CCDC93: variants seen among roughly 807,000 people sequenced by gnomAD.
The protein encoded by CCDC93 is coiled-coil domain-containing protein 93.
CCDC93 carries 61 observed loss-of-function variants against 108.2 expected under a neutral mutation model. The observed-to-expected ratio is 0.56, with a 90% CI of 0.46 to 0.70. The LOEUF (loss-of-function observed/expected upper bound fraction) is 0.70, where lower values mean the gene tolerates loss of function less well. Among genes scored for constraint, CCDC93 ranks in the 30% least tolerant of loss-of-function variants. CCDC93 has a pLI of 0.00. For missense variants in CCDC93, 685 were observed against 764.2 expected (o/e 0.90, Z 1.22); for synonymous variants, 276 against 260.4 (o/e 1.06, Z -0.58).
chr2:117,953,993 G>C (rs1047465110), intron 12 of CCDC93, among the ~76,000 whole-genome samples: 1 of 152,202 alleles, frequency 6.6e-6, no homozygotes, highest in African/African-American at 2.4e-5. Flanking sequence ...TCAGACACCA[G>C]ATCTGTTGGT....
At position 117,919,760 on chromosome 2, in the gene CCDC93, C is replaced by G. The variant is rs13417407; in HGVS notation, c.*583G>C. ...GGCTGGCACCTGGAGGAGCTGGGAA[C>G]AAAAGGTACCATGGCAGGTGAAAGG... is the stretch of plus-strand genomic sequence containing the variant. On this transcript the variant is annotated 3_prime_UTR_variant, in exon 24 of 24. Coordinates refer to ENST00000376300, the MANE Select transcript of CCDC93 (RefSeq NM_019044.5). 2 of 152,236 alleles carry G rather than the reference C, an allele frequency of 1.3e-5. No homozygotes were observed. Among genetic ancestry groups the G allele is most frequent in the East Asian group, 1.9e-4 (1 of 5,196 alleles). 9.4% of individuals were successfully genotyped at this position (152,236 alleles called of 1,614,324 possible).
At chr2:117,923,296 G>A (rs117892212) in intron 23 of CCDC93, among the ~76,000 whole-genome samples, 22 of 152,268 alleles carry the variant, frequency 1.4e-4, no homozygotes, top group East Asian at 1.4e-3. Context: ...TGCACTCAGC[G>A]TTAGCCGAGG....
chr2:117,953,242 T>C (rs1006728870), intron 12 of CCDC93, among the ~76,000 whole-genome samples: 3 of 152,218 alleles, frequency 2.0e-5, no homozygotes, highest in Non-Finnish European at 4.4e-5. Flanking sequence ...TCCTTGGGCC[T>C]GTAAGCAGCT....
intron 8 of CCDC93, among the ~76,000 whole-genome samples, chr2:117,977,534 G>C (rs529245985): frequency 6.6e-6 from 1 of 152,242 alleles, no homozygotes; most frequent in South Asian, 2.1e-4. Context: ...GAAATCTTTG[G>C]GCATCCTTTG....
chr2:117,967,426 C>G (rs929738894), intron 11 of CCDC93, among the ~76,000 whole-genome samples: 1 of 152,204 alleles, frequency 6.6e-6, no homozygotes, highest in Non-Finnish European at 1.5e-5. Flanking sequence ...GTGTGAGTGC[C>G]TGGGCTGAGC....
At chr2:117,927,471 AACAG>A (rs534539404) in intron 23 of CCDC93, among the ~76,000 whole-genome samples, 8,310 of 152,186 alleles carry the variant, frequency 0.055, 284 homozygotes, top group Non-Finnish European at 0.083. Context: ...ATACACCAAT[AACAG>A]ACAGAGAGCC....
intron 6 of CCDC93, among the ~76,000 whole-genome samples, chr2:117,994,780 A>G (rs970130230): frequency 7.9e-5 from 12 of 152,252 alleles, no homozygotes; most frequent in African/African-American, 2.9e-4. Context: ...AGATGAAGTA[A>G]AAAGCATGCA....
chr2:117,930,355 A>ATTC (rs1678285402), intron 23 of CCDC93, among the ~76,000 whole-genome samples: 1 of 152,204 alleles, frequency 6.6e-6, no homozygotes, highest in South Asian at 2.1e-4. Context: ...AAGGGACCAA[A>ATTC]TGAAGTCTTT....
chr2:117,951,584 A>G, intron 13 of CCDC93: 1 of 1,000,136 alleles, frequency 1.0e-6, no homozygotes, highest in Non-Finnish European at 1.2e-6. Flanking sequence ...TAGCTTCCAA[A>G]TCGTCCAGGA....
chr2:118,001,930 G>T, intron 3 of CCDC93, among the ~76,000 whole-genome samples: 1 of 152,144 alleles, frequency 6.6e-6, no homozygotes. Context: ...ATTCAGTGGT[G>T]TGCCTGACCC....
At chr2:118,008,451 A>C in intron 2 of CCDC93, 94 bp downstream of exon 2, 1 of 738,758 alleles carries the variant, frequency 1.4e-6, no homozygotes, top group Non-Finnish European at 2.3e-6. Context: ...ACATGGAAGA[A>C]GTTAAAACAT....
intron 11 of CCDC93, among the ~76,000 whole-genome samples, chr2:117,962,173 A>G (rs965014300): frequency 6.6e-6 from 1 of 152,244 alleles, no homozygotes; most frequent in Middle Eastern, 3.2e-3. Flanking sequence ...AAAGAAACCC[A>G]AAAGGTTATT....
At chr2:117,920,458 A>T in intron 23 of CCDC93, 62 bp from the exon 24 acceptor site, 1 of 1,195,708 alleles carries the variant, frequency 8.4e-7, no homozygotes, top group Non-Finnish European at 1.2e-6. Flanking sequence ...TGTGAGGCCA[A>T]GATGGTCTCA....
At chr2:117,974,981 C>T (rs6761382) in intron 9 of CCDC93, 81 bp from the exon 10 acceptor site, 25,453 of 1,236,010 alleles carry the variant, frequency 0.021, 848 homozygotes, top group African/African-American at 0.14. Flanking sequence ...TGGATCTTTG[C>T]GGTGATATCC....
intron 12 of CCDC93, 102 bp from the exon 13 acceptor site, chr2:117,952,537 C>T (rs1171252286): frequency 2.2e-6 from 2 of 898,450 alleles, no homozygotes; most frequent in East Asian, 5.0e-5. Flanking sequence ...AAGATTTAAA[C>T]TGAGCAAATG....
intron 7 of CCDC93, among the ~76,000 whole-genome samples, chr2:117,981,375 C>A (rs990272676): frequency 6.6e-6 from 1 of 152,192 alleles, no homozygotes; most frequent in African/African-American, 2.4e-5. Context: ...CCTCAACTGC[C>A]TATTAACTAC....
At chr2:117,981,783 CCA>C (rs770393454) in intron 7 of CCDC93, among the ~76,000 whole-genome samples, 9 of 152,112 alleles carry the variant, frequency 5.9e-5, no homozygotes, top group Non-Finnish European at 7.3e-5. Flanking sequence ...TGTTCCTGAG[CCA>C]CACTAGTCGC....
intron 23 of CCDC93, among the ~76,000 whole-genome samples, chr2:117,922,162 G>A (rs1044822207): frequency 8.5e-5 from 13 of 152,206 alleles, no homozygotes; most frequent in East Asian, 3.9e-4. Flanking sequence ...CCACCTCACC[G>A]TTTAAATGAG....
At chr2:117,950,624 G>C in intron 13 of CCDC93, 7 of 985,470 alleles carry the variant, frequency 7.1e-6, no homozygotes, top group Non-Finnish European at 8.4e-6. Context: ...AGCCTGGAAT[G>C]AAAGGGTTCA....
Sources: allele counts gnomAD v4.1 joint callset (sites outside exome capture counted in the v4.1 genomes callset), GRCh38; gene constraint gnomAD v4.1.1; transcripts MANE v1.5; gene names NCBI Gene and HGNC (gene_info 2026-07-23, HGNC 2026-07-21).